INPP5B: variants seen among roughly 807,000 people sequenced by gnomAD.
The protein encoded by INPP5B is inositol polyphosphate-5-phosphatase B, also known as type II inositol 1,4,5-trisphosphate 5-phosphatase.
In INPP5B, 90 loss-of-function variants were observed where a neutral mutation model predicts 118.5. The ratio of observed to expected loss-of-function variants is 0.76; its 90% CI spans 0.64 to 0.90. The LOEUF is 0.90. Among genes scored for constraint, INPP5B ranks in the 40% least tolerant of loss-of-function variants. The pLI is 0.00. For synonymous variants in INPP5B, 385 were observed against 418.9 expected (o/e 0.92, Z 0.99); for missense variants, 984 against 1,125.6 (o/e 0.87, Z 1.80).
chr1:37,937,998 C>A (rs1324408981), intron 6 of INPP5B, among the ~76,000 whole-genome samples: 1 of 143,770 alleles, frequency 7.0e-6, no homozygotes, highest in East Asian at 2.1e-4. Flanking sequence ...AAAAGCTGGA[C>A]ACGGTGGCTC....
chr1:37,900,961 G>A (rs771299443), intron 7 of INPP5B, among the ~76,000 whole-genome samples: 2 of 151,906 alleles, frequency 1.3e-5, no homozygotes, highest in Non-Finnish European at 2.9e-5. Context: ...ACAGGCATGC[G>A]CCACCACACA....
At chr1:37,902,440 A>ACAAATCTGGGTGGGCACAGTGGCT (rs1644365215) in intron 7 of INPP5B, among the ~76,000 whole-genome samples, 3 of 152,140 alleles carry the variant, frequency 2.0e-5, no homozygotes, top group Admixed American at 2.0e-4. Flanking sequence ...AGAAGAAAAC[A>ACAAATCTGGGTGGGCACAGTGGCT]CAAATCTGGG....
intron 7 of INPP5B, among the ~76,000 whole-genome samples, chr1:37,893,985 G>A (rs970464476): frequency 1.3e-5 from 2 of 152,208 alleles, no homozygotes; most frequent in African/African-American, 4.8e-5. Context: ...AGGCTTTGCA[G>A]GTCATACAGT....
chr1:37,884,250 A>G (rs991994453), intron 13 of INPP5B: 10 of 152,200 alleles, frequency 6.6e-5, no homozygotes, highest in African/African-American at 2.4e-4. Context: ...CAGAACTCAG[A>G]CTACAATATA....
In INPP5B at chr1:37,912,632, A is replaced by G. The variant is rs567147736; in HGVS notation, c.532+19281T>C. 1.4e-4 allele frequency among the ~76,000 whole-genome samples: 22 copies of G among 151,938 alleles called. No homozygotes were observed. The South Asian group carries it at 4.2e-3, about 29-fold the overall frequency. On this transcript the variant is annotated intron_variant, in intron 7 of 23. Transcript: ENST00000373024. ...CTGCTGGTTTACGCTTTTCCTCCAAACCATTGTAGCGGATATCTCCTGGTA... is the reference window on the plus strand; with the variant it reads ...CTGCTGGTTTACGCTTTTCCTCCAAGCCATTGTAGCGGATATCTCCTGGTA...
At chr1:37,883,491 A>G in intron 13 of INPP5B, 1 of 985,428 alleles carries the variant, frequency 1.0e-6, no homozygotes, top group Non-Finnish European at 1.2e-6. Flanking sequence ...CTGCTTTGGG[A>G]AAAAGCTAAC....
At chr1:37,873,905 G>A in intron 18 of INPP5B, 88 bp downstream of exon 18, 2 of 1,061,608 alleles carry the variant, frequency 1.9e-6, no homozygotes, top group Non-Finnish European at 1.3e-6. Context: ...AAACACTCAA[G>A]CAAAAAGCTC....
rs558482892 is a variant in INPP5B, at chr1:37,943,928, C to T, written c.153-35G>A. ...GGAAGCAGAGGTGAGGATGGGGGCC[C>T]GCTGGCTGTCCCTCAGCCCTATCTT... is the stretch of plus-strand genomic sequence containing the variant. On this transcript the variant is annotated intron_variant, in intron 3 of 23. Transcript: ENST00000373024. 1.2e-4 allele frequency: 177 copies of T among 1,484,244 alleles called. 3 individuals are homozygous for T. In the South Asian group the frequency reaches 1.4e-3, roughly 11 times the overall value. 91.9% of individuals were successfully genotyped at this position (1,484,244 alleles called of 1,614,324 possible).
At chr1:37,919,553 A>G (rs1644983648) in intron 7 of INPP5B, among the ~76,000 whole-genome samples, 1 of 152,198 alleles carries the variant, frequency 6.6e-6, no homozygotes. Context: ...ATGGGGAAAT[A>G]AACCACTCTA....
At chr1:37,883,017 G>A in intron 13 of INPP5B, 99 bp from the exon 14 acceptor site, 1 of 1,502,546 alleles carries the variant, frequency 6.7e-7, no homozygotes, top group Non-Finnish European at 8.9e-7. Context: ...TCAGCCTCTT[G>A]GGAGGTGGGT....
intron 7 of INPP5B, chr1:37,930,724 G>A (rs186945864): frequency 3.6e-4 from 55 of 152,320 alleles, no homozygotes; most frequent in African/African-American, 1.2e-3. Flanking sequence ...TGCTCACCTC[G>A]TTTCCTCTCA....
Position 37,931,698 on chromosome 1 carries a change from G to A in INPP5B, c.532+215C>T, listed in dbSNP as rs142849696. On this transcript the variant is annotated intron_variant, in intron 7 of 23. Coordinates refer to ENST00000373024, the MANE Select transcript of INPP5B (RefSeq NM_005540.3). ...CTGCAGTGTTGCGCTCCCGAGAGCCGGCGGCGGCAGACATTTCCCTGCCTG... is the reference window on the plus strand; with the variant it reads ...CTGCAGTGTTGCGCTCCCGAGAGCCAGCGGCGGCAGACATTTCCCTGCCTG... 6.0e-4 allele frequency: 926 copies of A among 1,534,688 alleles called. 5 individuals carry two copies. In the African/African-American group the frequency reaches 0.011, roughly 17 times the overall value.
intron 5 of INPP5B, among the ~76,000 whole-genome samples, chr1:37,941,210 G>A (rs935707737): frequency 6.6e-6 from 1 of 152,152 alleles, no homozygotes; most frequent in African/African-American, 2.4e-5. Flanking sequence ...ATGGTGAAGA[G>A]AATACACGTG....
intron 7 of INPP5B, among the ~76,000 whole-genome samples, chr1:37,920,664 CAA>C (rs34604031): frequency 3.4e-5 from 4 of 116,396 alleles, no homozygotes; most frequent in Admixed American, 8.8e-5. Context: ...GACTCTGTCT[CAA>C]AAAAAAAAAA....
chr1:37,878,104 G>T, intron 16 of INPP5B, 84 bp downstream of exon 16: 1 of 1,504,512 alleles, frequency 6.6e-7, no homozygotes, highest in South Asian at 1.3e-5. Flanking sequence ...AGGAGAGGAA[G>T]AAACCAGAAA....
intron 14 of INPP5B, 28 bp from the exon 15 acceptor site, chr1:37,880,222 AT>A (rs748877627): frequency 1.1e-5 from 17 of 1,545,380 alleles, no homozygotes; most frequent in Middle Eastern, 3.4e-4. Context: ...AGAAAAAAAA[AT>A]ATCAGAATAA....
intron 13 of INPP5B, chr1:37,883,704 C>T (rs1643343899): frequency 6.1e-6 from 6 of 985,402 alleles, no homozygotes; most frequent in Non-Finnish European, 4.8e-6. Flanking sequence ...TGGAAGAGCT[C>T]GGCTGCAAGA....
At chr1:37,943,284 C>G (rs1238914637) in intron 5 of INPP5B, among the ~76,000 whole-genome samples, 3 of 152,218 alleles carry the variant, frequency 2.0e-5, no homozygotes, top group Admixed American at 2.0e-4. Flanking sequence ...AGCCACTGCC[C>G]TGGCCTAATT....
chr1:37,891,218 ACT>A, intron 8 of INPP5B, 138 bp downstream of exon 8: 1 of 544,058 alleles, frequency 1.8e-6, no homozygotes. Context: ...TAAGAGCGAA[ACT>A]CTGTCTCAAA....
Sources: allele counts gnomAD v4.1 joint callset (sites outside exome capture counted in the v4.1 genomes callset), GRCh38; gene constraint gnomAD v4.1.1; transcripts MANE v1.5; gene names NCBI Gene and HGNC (gene_info 2026-07-23, HGNC 2026-07-21).